Variants in SCN7A observed in about 807,000 individuals in gnomAD.
SCN7A encodes sodium voltage-gated channel alpha subunit 7, also known as sodium channel protein type 7 subunit alpha.
Under a neutral mutation model 155.2 loss-of-function variants are expected in SCN7A, and 138 were observed. That is an observed-to-expected ratio of 0.89 (90% CI 0.77 to 1.02). The LOEUF is 1.02. Among genes scored for constraint, SCN7A ranks in the 50% least tolerant of loss-of-function variants. The probability of loss-of-function intolerance (pLI) is 0.00; values close to 1 mark genes in which losing one functional copy is unlikely to be tolerated. For synonymous variants in SCN7A, 693 were observed against 649.0 expected (o/e 1.07, Z -1.03); for missense variants, 2,058 against 1,986.6 (o/e 1.04, Z -0.68).
chr2:166,479,301 T>C (rs1031616756), intron 2 of SCN7A, among the ~76,000 whole-genome samples: 1 of 152,126 alleles, frequency 6.6e-6, no homozygotes, highest in Non-Finnish European at 1.5e-5. Context: ...TTTAATATTA[T>C]TGGGACACCA....
intron 5 of SCN7A, 99 bp from the exon 6 acceptor site, chr2:166,472,544 G>T: frequency 9.7e-7 from 1 of 1,026,750 alleles, no homozygotes; most frequent in Non-Finnish European, 1.4e-6. Context: ...TTAAGAATAA[G>T]TCATCAGGAA....
chr2:166,435,437 AAT>A (rs1315318107), intron 15 of SCN7A, among the ~76,000 whole-genome samples: 1 of 152,078 alleles, frequency 6.6e-6, no homozygotes, highest in Non-Finnish European at 1.5e-5. Flanking sequence ...GAAAAGGTGA[AAT>A]AGTGTGTATA....
At chr2:166,416,375 T>G (rs141017846) in intron 21 of SCN7A, among the ~76,000 whole-genome samples, 5 of 152,168 alleles carry the variant, frequency 3.3e-5, no homozygotes, top group Admixed American at 3.3e-4. Flanking sequence ...TTGAAATCCT[T>G]AATAAAAACT....
At chr2:166,415,318 A>G (rs1575005732) in intron 21 of SCN7A, among the ~76,000 whole-genome samples, 1 of 149,868 alleles carries the variant, frequency 6.7e-6, no homozygotes, top group Admixed American at 6.7e-5. Flanking sequence ...TCCGCCTCCT[A>G]GGTTCAAGGG....
rs779035027 is a variant in SCN7A, at chr2:166,456,825, T to TAG, written c.1290+44_1290+45insCT. 3,970 of 735,250 alleles carry TAG rather than the reference T, an allele frequency of 5.4e-3. 121 individuals are homozygous for TAG. The African/African-American group carries it at 0.068, about 13-fold the overall frequency. 45.5% of individuals were successfully genotyped at this position (735,250 alleles called of 1,614,324 possible). A position where few individuals can be genotyped will look rare whatever the true frequency, so the allele number is the denominator to read the frequency against. ...TAAAATATATATATATATATATATATATATAGATAGATAGATAGATAGATA... is the reference window on the plus strand; with the variant it reads ...TAAAATATATATATATATATATATATAGATATAGATAGATAGATAGATAGATA... On this transcript the variant is annotated intron_variant, in intron 11 of 25. Transcript: ENST00000643258.
At chr2:166,447,835 T>C in intron 11 of SCN7A, 127 bp from the exon 12 acceptor site, 1 of 658,306 alleles carries the variant, frequency 1.5e-6, no homozygotes, top group East Asian at 2.8e-5. Flanking sequence ...ATTAAATTGA[T>C]ACATAATCAT....
At chr2:166,472,235 CT>C in intron 6 of SCN7A, 81 bp downstream of exon 6, 1 of 1,369,908 alleles carries the variant, frequency 7.3e-7, no homozygotes, top group Non-Finnish European at 9.7e-7. Flanking sequence ...AGGCCAAAAT[CT>C]TTGCAGACGT....
chr2:166,484,658 C>T (rs1163119415), intron 2 of SCN7A, among the ~76,000 whole-genome samples: 1 of 151,840 alleles, frequency 6.6e-6, no homozygotes, highest in Admixed American at 6.6e-5. Flanking sequence ...AGGTATATCA[C>T]AGTCAAATCT....
At chr2:166,489,780 T>C (rs1358928271) in intron 1 of SCN7A, among the ~76,000 whole-genome samples, 1 of 152,158 alleles carries the variant, frequency 6.6e-6, no homozygotes, top group Non-Finnish European at 1.5e-5. Flanking sequence ...TGGCTTCAGG[T>C]TCTATTCTTC....
intron 9 of SCN7A, among the ~76,000 whole-genome samples, chr2:166,463,465 G>A (rs1169638214): frequency 6.6e-6 from 1 of 152,220 alleles, no homozygotes; most frequent in Non-Finnish European, 1.5e-5. Context: ...AGCAAATGAA[G>A]TATTGTTGTT....
intron 6 of SCN7A, 22 bp downstream of exon 6, chr2:166,472,295 C>A (rs1213865449): frequency 2.6e-6 from 4 of 1,566,074 alleles, no homozygotes; most frequent in Non-Finnish European, 3.4e-6. Context: ...TTAAAATAGA[C>A]TCAATTTAAA....
At position 166,473,849 on chromosome 2, in the gene SCN7A, A is replaced by G. The variant is rs900087822; in HGVS notation, c.393T>C (p.Asp131=). 8 of 1,566,172 alleles carry G rather than the reference A, an allele frequency of 5.1e-6. No homozygotes were observed. Among genetic ancestry groups the G allele is most frequent in the Non-Finnish European group, 6.9e-6 (8 of 1,152,206 alleles). The change falls in exon 5 of 26, where the codon GAT becomes GAC. Residue 131 remains aspartate, a synonymous_variant. Coordinates refer to ENST00000643258, the MANE Select transcript of SCN7A (RefSeq NM_002976.4). The part of the protein sequence containing the change: ...QLFILISVLI[D]CVFMSLTNLP... Reference sequence around the variant, plus strand: ...AATTAGTCAGGGACATGAATACGCAATCAATCAGGACACTAATTAGAATAA... The same window carrying G: ...AATTAGTCAGGGACATGAATACGCAGTCAATCAGGACACTAATTAGAATAA...
intron 8 of SCN7A, 33 bp from the exon 9 acceptor site, chr2:166,465,564 G>A: frequency 1.4e-6 from 2 of 1,472,882 alleles, no homozygotes; most frequent in East Asian, 2.4e-5. Context: ...TATTCTATAT[G>A]TAATTATGAG....
In SCN7A at chr2:166,491,207, C is replaced by T. The variant is rs190666280; in HGVS notation, c.-128+2761G>A. The stretch of plus-strand genomic sequence containing the variant: ...CTGTTCTAGTTTAACACCAAATGCC[C>T]TATCATAATATCAGACCTTTCTAAT... On this transcript the variant is annotated intron_variant, in intron 1 of 25. Coordinates refer to ENST00000643258, the MANE Select transcript of SCN7A (RefSeq NM_002976.4). Among the ~76,000 whole-genome samples the T allele has an allele frequency of 8.5e-5, 13 of 152,258 alleles. No homozygotes were observed. The East Asian group carries it at 2.5e-3, about 30-fold the overall frequency.
chr2:166,428,708 T>C (rs1391247126), intron 17 of SCN7A, among the ~76,000 whole-genome samples: 1 of 152,096 alleles, frequency 6.6e-6, no homozygotes, highest in Non-Finnish European at 1.5e-5. Flanking sequence ...TGGAATATTA[T>C]TAATAATGGT....
chr2:166,487,557 C>G (rs1025189497), intron 1 of SCN7A, among the ~76,000 whole-genome samples: 2 of 152,104 alleles, frequency 1.3e-5, no homozygotes, highest in Non-Finnish European at 2.9e-5. Flanking sequence ...TCCATTTATT[C>G]CCATCTTAGG....
intron 10 of SCN7A, among the ~76,000 whole-genome samples, chr2:166,459,051 C>T (rs1314665322): frequency 6.6e-6 from 1 of 152,088 alleles, no homozygotes; most frequent in Non-Finnish European, 1.5e-5. Context: ...ATTTTAGTAT[C>T]CACCAGAGGT....
Position 166,406,210 on chromosome 2 carries a change from A to G in SCN7A, c.4419T>C (p.Ile1473=). 6.2e-7 allele frequency: 1 copy of G among 1,613,106 alleles called. No homozygotes were observed. The highest frequency in any genetic ancestry group is 8.5e-7 in the Non-Finnish European group (1 of 1,179,500). The change falls in exon 26 of 26, where the codon ATT becomes ATC. Residue 1473 remains isoleucine (I), a synonymous_variant. Coordinates refer to ENST00000643258, the MANE Select transcript of SCN7A (RefSeq NM_002976.4). The part of the protein sequence containing the change: ...RGDCGNPSVG[I]FYFVSYILIS... The stretch of plus-strand genomic sequence containing the variant: ...TGAGGATATAACTGACAAAATAAAA[A>G]ATCCCAACAGAGGGGTTCCCACAAT...
chr2:166,437,545 C>T (rs1304234254), intron 15 of SCN7A, among the ~76,000 whole-genome samples: 1 of 152,132 alleles, frequency 6.6e-6, no homozygotes, highest in African/African-American at 2.4e-5. Flanking sequence ...GGTCACTGTC[C>T]TCCAGACCCC....
Sources: gnomAD v4.1 joint callset for allele counts (sites outside exome capture counted in the v4.1 genomes callset) on GRCh38, gnomAD v4.1.1 for gene constraint, MANE v1.5 for transcripts, NCBI Gene and HGNC (gene_info 2026-07-23, HGNC 2026-07-21) for gene names.